Variants in PSORS1C1 observed in about 807,000 individuals in gnomAD.
PSORS1C1 encodes psoriasis susceptibility 1 candidate 1, also known as psoriasis susceptibility 1 candidate gene 1 protein.
In PSORS1C1, 7 loss-of-function variants were observed where a neutral mutation model predicts 9.4. The ratio of observed to expected loss-of-function variants is 0.75; its 90% CI spans 0.42 to 1.40. The LOEUF is 1.40. PSORS1C1 is among the 40% of genes most tolerant of loss of function. The probability of loss-of-function intolerance (pLI) is 0.01; values close to 1 mark genes in which losing one functional copy is unlikely to be tolerated. For synonymous variants in PSORS1C1, 63 were observed against 69.4 expected, an observed-to-expected ratio of 0.91 and a Z score of 0.46; for missense variants, 146 against 178.1, an observed-to-expected ratio of 0.82 and a Z score of 1.02.
At chr6:31,121,456 G>A (rs1434560902) in intron 1 of PSORS1C1, among the ~76,000 whole-genome samples, 2 of 152,226 alleles carry the variant, frequency 1.3e-5, no homozygotes, top group Non-Finnish European at 2.9e-5. Context: ...AGGATGAAAG[G>A]AGGCCAGGAG....
intron 1 of PSORS1C1, chr6:31,116,155 C>A: frequency 6.2e-7 from 1 of 1,611,190 alleles, no homozygotes; most frequent in Non-Finnish European, 8.5e-7. Context: ...ACTGCTGGAG[C>A]CACAGGGCTT....
At chr6:31,134,533 C>A (rs910471899) in intron 3 of PSORS1C1, among the ~76,000 whole-genome samples, 1 of 151,978 alleles carries the variant, frequency 6.6e-6, no homozygotes, top group Non-Finnish European at 1.5e-5. Context: ...TCTCGATCTC[C>A]TGACCTCGTG....
At chr6:31,134,404 G>A (rs957842385) in intron 3 of PSORS1C1, among the ~76,000 whole-genome samples, 7 of 149,948 alleles carry the variant, frequency 4.7e-5, no homozygotes, top group Admixed American at 1.3e-4. Flanking sequence ...CCAGGTTCAC[G>A]CCATTCTCCT....
At position 31,138,636 on chromosome 6, in the gene PSORS1C1, G is replaced by T; in HGVS notation, c.44-20G>T. ...TCAGGCCAACCTGCAACCCAAAGTG[G>T]GTTACACCTTGGCCCCCAGGCACAC... On this transcript the variant is annotated intron_variant, in intron 4 of 5. Transcript: ENST00000259881. The T allele has an allele frequency of 6.2e-7, 1 of 1,612,950 alleles. No homozygotes were observed. The highest frequency in any genetic ancestry group is 8.5e-7 in the Non-Finnish European group (1 of 1,179,942).
At chr6:31,138,589 G>A in intron 4 of PSORS1C1, 67 bp from the exon 5 acceptor site, 1 of 1,611,126 alleles carries the variant, frequency 6.2e-7, no homozygotes, top group Non-Finnish European at 8.5e-7. Context: ...CCCCTGGTTG[G>A]GGTACCCCAC....
chr6:31,131,597 CAAAAAAAAAAA>C (rs9281219), intron 3 of PSORS1C1, among the ~76,000 whole-genome samples: 8 of 78,394 alleles, frequency 1.0e-4, no homozygotes, highest in African/African-American at 3.6e-4. Context: ...GACTCCGTCT[CAAAAAAAAAAA>C]AAAAAAAAAA....
intron 1 of PSORS1C1, chr6:31,120,190 A>G (rs1772377561): frequency 1.5e-6 from 1 of 648,772 alleles, no homozygotes. Context: ...AGTTTAAGAA[A>G]CTTACCTGAG....
chr6:31,120,995 C>T (rs1426033587), intron 1 of PSORS1C1, among the ~76,000 whole-genome samples: 5 of 151,454 alleles, frequency 3.3e-5, no homozygotes, highest in East Asian at 3.9e-4. Context: ...GAGTTCTGCC[C>T]CCATCCCCCA....
intron 1 of PSORS1C1, chr6:31,116,334 G>A (rs773909982): frequency 1.9e-6 from 3 of 1,613,610 alleles, no homozygotes; most frequent in Non-Finnish European, 2.5e-6. Context: ...AGGAGCCGGT[G>A]CCTGGTGGGG....
rs376598152 is a variant in PSORS1C1 at position 31,119,286 on chromosome 6, C to T, written c.-229+4395C>T. On this transcript the variant is annotated intron_variant, in intron 1 of 5. Coordinates refer to ENST00000259881, the MANE Select transcript of PSORS1C1 (RefSeq NM_014068.3). ...AAGAAATTCTCTGCATGCACCTCCA[C>T]GCCGAACCCCAGCTGTGCCAATTCC... Among the ~76,000 whole-genome samples the T allele has an allele frequency of 5.9e-5, 9 of 152,332 alleles. No individual in the cohort carries two copies. In the South Asian group the frequency reaches 1.7e-3, roughly 28 times the overall value.
intron 3 of PSORS1C1, among the ~76,000 whole-genome samples, chr6:31,135,318 C>T (rs2150975143): frequency 6.6e-6 from 1 of 152,192 alleles, no homozygotes; most frequent in East Asian, 1.9e-4. Context: ...CTCACTGCAA[C>T]CTCTGCCTCC....
In PSORS1C1 at chr6:31,115,940, C is replaced by T; in HGVS notation, c.-229+1049C>T. 1 of 1,239,096 alleles carries T rather than the reference C, an allele frequency of 8.1e-7. No homozygotes were observed. Among genetic ancestry groups the T allele is most frequent in the Non-Finnish European group, 1.2e-6 (1 of 846,524 alleles). The allele number at this position is 1,239,096 out of a possible 1,614,324, so 76.8% of individuals were successfully genotyped here. A position where few individuals can be genotyped will look rare whatever the true frequency, so the allele number is the denominator to read the frequency against. ...GGAGGGAAACTGAGCTAACCCTATG[C>T]CTGGGCACTGGACTTCTCCCATATG... is the stretch of plus-strand genomic sequence containing the variant. On this transcript the variant is annotated intron_variant, in intron 1 of 5. Transcript: ENST00000259881. This position sits in a 1 kb window ranked among gnomAD's most constrained non-coding sequence, Gnocchi z 4.2.
At chr6:31,126,181 T>C (rs536842444) in intron 2 of PSORS1C1, among the ~76,000 whole-genome samples, 1 of 152,322 alleles carries the variant, frequency 6.6e-6, no homozygotes, top group East Asian at 1.9e-4. Flanking sequence ...CGGGTGACTG[T>C]CTCCCCTGAG....
intron 3 of PSORS1C1, 159 bp from the exon 4 acceptor site, chr6:31,138,271 G>A: frequency 6.3e-7 from 1 of 1,580,454 alleles, no homozygotes; most frequent in Non-Finnish European, 8.6e-7. Flanking sequence ...TCCTCTGCGG[G>A]TGGGTGAGAG....
intron 1 of PSORS1C1, among the ~76,000 whole-genome samples, chr6:31,121,631 C>T (rs1772468245): frequency 7.6e-6 from 1 of 131,458 alleles, no homozygotes; most frequent in South Asian, 3.1e-4. Context: ...AAGCTGCCCT[C>T]TCCTCCCCCA....
chr6:31,124,891 C>T (rs1045955165), intron 1 of PSORS1C1, among the ~76,000 whole-genome samples: 1 of 152,096 alleles, frequency 6.6e-6, no homozygotes, highest in African/African-American at 2.4e-5. Flanking sequence ...TCATTTGAAC[C>T]GGCGAGGCGG....
At chr6:31,137,378 C>T (rs1212822593) in intron 3 of PSORS1C1, among the ~76,000 whole-genome samples, 7 of 151,936 alleles carry the variant, frequency 4.6e-5, no homozygotes, top group Admixed American at 2.0e-4. Flanking sequence ...AGCGTGAACC[C>T]GGGAGGCGGA....
chr6:31,133,224 G>A (rs3823419), intron 3 of PSORS1C1, among the ~76,000 whole-genome samples: 34,655 of 152,036 alleles, frequency 0.23, 4,686 homozygotes, highest in African/African-American at 0.37. Context: ...GGCCTGGGAA[G>A]GGAAGACAGA....
intron 1 of PSORS1C1, among the ~76,000 whole-genome samples, chr6:31,123,600 T>C (rs1405615251): frequency 6.6e-6 from 1 of 152,206 alleles, no homozygotes; most frequent in Non-Finnish European, 1.5e-5. Flanking sequence ...GTAGACACTC[T>C]ACACCCGAGA....
Sources: gnomAD v4.1 joint callset for allele counts (sites outside exome capture counted in the v4.1 genomes callset) on GRCh38, gnomAD v4.1.1 for gene constraint, Gnocchi (gnomAD v3.1) non-coding constraint, MANE v1.5 for transcripts, NCBI Gene and HGNC (gene_info 2026-07-23, HGNC 2026-07-21) for gene names.